Variants in ZNF676 observed in about 807,000 individuals in gnomAD.
ZNF676 encodes the protein zinc finger protein 676.
Under a neutral mutation model 6.0 loss-of-function variants are expected in ZNF676, and 4 were observed. That is an observed-to-expected ratio of 0.67 (90% CI 0.33 to 1.53). The LOEUF (loss-of-function observed/expected upper bound fraction) is 1.53, where lower values mean the gene tolerates loss of function less well. Ranked by LOEUF, ZNF676 falls within the 40% of genes most tolerant of loss-of-function variation. ZNF676 has a pLI of 0.06. For synonymous variants in ZNF676, 198 were observed against 223.1 expected (o/e 0.89, Z 1.00); for missense variants, 644 against 679.7 (o/e 0.95, Z 0.58).
chr19:22,252,082 T>C, the ZNF676 span, among the ~76,000 whole-genome samples: 1 of 152,184 alleles, frequency 6.6e-6, no homozygotes, highest in Non-Finnish European at 1.5e-5. Context: ...GACTTATAAA[T>C]GATCCTTGTA....
chr19:22,207,735 G>A (rs1178569842), intron 1 of ZNF676, among the ~76,000 whole-genome samples: 6 of 152,118 alleles, frequency 3.9e-5, no homozygotes, highest in East Asian at 3.9e-4. Context: ...CATGGTACTG[G>A]TACAAAAACA....
Position 22,180,058 on chromosome 19 carries a change from T to A in ZNF676, c.1659A>T (p.Arg553Ser), listed in dbSNP as rs1476968009. The A allele has an allele frequency of 6.2e-7, 1 of 1,613,616 alleles. No individual in the cohort carries two copies. The highest frequency in any genetic ancestry group is 1.3e-5 in the African/African-American group (1 of 74,862). The change falls in exon 3 of 3, where the codon AGA becomes AGT. Residue 553 changes from arginine (R) to serine (S), a missense_variant. This residue lies in a region of ZNF676 where 306 missense variants were observed against 265.4 expected (regional missense o/e 1.15). Transcript: ENST00000397121. ...SRSSSLTRHK[R>S]IHTGEKPYKC... is the part of the protein sequence containing the mutation. ...TGTAGGGTTTCTCTCCAGTATGAAT[T>A]CTCTTGTGTCTAGTAAGGCTTGAGG...
chr19:22,191,693 CT>C (rs1310837701), intron 2 of ZNF676, among the ~76,000 whole-genome samples: 2 of 152,158 alleles, frequency 1.3e-5, no homozygotes, highest in Non-Finnish European at 2.9e-5. Context: ...AGGATATTTA[CT>C]CTGTCCAAAA....
At chr19:22,238,431 C>T in the ZNF676 span, among the ~76,000 whole-genome samples, 7 of 152,162 alleles carry the variant, frequency 4.6e-5, no homozygotes, top group African/African-American at 7.2e-5. Context: ...ATTTATTTTA[C>T]ATAACTCTCT....
At chr19:22,193,616 T>C (rs1273337232) in intron 1 of ZNF676, among the ~76,000 whole-genome samples, 4 of 152,048 alleles carry the variant, frequency 2.6e-5, no homozygotes, top group African/African-American at 7.2e-5. Flanking sequence ...AAGGGAAGAA[T>C]TGTCCATTTG....
the ZNF676 span, chr19:22,243,516 T>C: frequency 2.0e-5 from 3 of 151,884 alleles, no homozygotes; most frequent in Non-Finnish European, 2.9e-5. Context: ...GGCCAGAGAG[T>C]TACATCACCC....
At chr19:22,209,651 A>G (rs1194488368) in intron 1 of ZNF676, among the ~76,000 whole-genome samples, 1 of 152,172 alleles carries the variant, frequency 6.6e-6, no homozygotes, top group Admixed American at 6.6e-5. Flanking sequence ...CCCAAAAATA[A>G]AAGTTAAAAG....
chr19:22,204,132 G>C (rs1203162064), intron 1 of ZNF676: 1 of 149,134 alleles, frequency 6.7e-6, no homozygotes, highest in African/African-American at 2.5e-5. Flanking sequence ...TCCTGTAATA[G>C]CAGCATACTA....
intron 1 of ZNF676, among the ~76,000 whole-genome samples, chr19:22,212,214 A>G (rs2144825779): frequency 7.9e-6 from 1 of 126,468 alleles, no homozygotes; most frequent in African/African-American, 2.8e-5. Flanking sequence ...AAAAAAAAAA[A>G]GAAAAGAAAA....
intron 2 of ZNF676, among the ~76,000 whole-genome samples, chr19:22,185,479 T>A (rs947152133): frequency 7.8e-6 from 1 of 127,864 alleles, no homozygotes; most frequent in African/African-American, 2.9e-5. Flanking sequence ...GGATCACAAC[T>A]CATCACCAGC....
upstream of ZNF676, among the ~76,000 whole-genome samples, chr19:22,198,006 A>C (rs2023987040): frequency 6.6e-6 from 1 of 152,214 alleles, no homozygotes; most frequent in Non-Finnish European, 1.5e-5. Context: ...GATTTTAAAT[A>C]GTATTTCTTC....
the ZNF676 span, among the ~76,000 whole-genome samples, chr19:22,235,077 G>A: frequency 6.7e-6 from 1 of 148,212 alleles, no homozygotes; most frequent in Non-Finnish European, 1.5e-5. Context: ...AGGAAGTCAG[G>A]AAGGCAGGAA....
the ZNF676 span, among the ~76,000 whole-genome samples, chr19:22,225,128 C>A: frequency 6.6e-6 from 1 of 152,180 alleles, no homozygotes; most frequent in Non-Finnish European, 1.5e-5. Flanking sequence ...TTTACCCTCT[C>A]TCCAGCCCTT....
the ZNF676 span, among the ~76,000 whole-genome samples, chr19:22,250,539 C>T: frequency 6.6e-6 from 1 of 152,054 alleles, no homozygotes. Context: ...ATGCCTCAGC[C>T]TCCTGAGTAC....
chr19:22,216,881 G>A (rs1299500203), upstream of ZNF676, among the ~76,000 whole-genome samples: 1 of 149,670 alleles, frequency 6.7e-6, no homozygotes, highest in Non-Finnish European at 1.5e-5. Context: ...GCTGCAGTGA[G>A]CCCTGATCAA....
At chr19:22,209,592 T>A (rs1360833134) in intron 1 of ZNF676, among the ~76,000 whole-genome samples, 1 of 152,108 alleles carries the variant, frequency 6.6e-6, no homozygotes, top group Admixed American at 6.6e-5. Context: ...CAAACTCCCA[T>A]GACACAATTT....
At chr19:22,199,942 G>GCAA (rs1186786892), upstream of ZNF676, among the ~76,000 whole-genome samples, 4 of 152,008 alleles carry the variant, frequency 2.6e-5, no homozygotes, top group African/African-American at 9.7e-5. Flanking sequence ...CTCTAAAAAG[G>GCAA]CAACAGTATT....
intron 1 of ZNF676, among the ~76,000 whole-genome samples, chr19:22,195,485 G>C (rs1384088147): frequency 9.2e-5 from 14 of 152,084 alleles, no homozygotes; most frequent in Non-Finnish European, 2.1e-4. Context: ...TTTTGCTATT[G>C]TTTCCTTGGT....
At chr19:22,208,738 GTT>G (rs1464830195) in intron 1 of ZNF676, among the ~76,000 whole-genome samples, 4 of 152,132 alleles carry the variant, frequency 2.6e-5, no homozygotes, top group African/African-American at 9.7e-5. Flanking sequence ...GAGCTCAGGA[GTT>G]TGAGACCGGC....
Sources: allele counts gnomAD v4.1 joint callset (sites outside exome capture counted in the v4.1 genomes callset), GRCh38; gene constraint gnomAD v4.1.1; regional missense constraint gnomAD v4.1.1; transcripts MANE v1.5; gene names NCBI Gene and HGNC (gene_info 2026-07-23, HGNC 2026-07-21).